AGBL4: variants seen among roughly 807,000 people sequenced by gnomAD.
AGBL4 encodes cytosolic carboxypeptidase 6.
In AGBL4, 58 loss-of-function variants were observed where a neutral mutation model predicts 66.4. The observed-to-expected ratio is 0.87, with a 90% CI of 0.71 to 1.09. AGBL4 has a LOEUF of 1.09. Ranked by LOEUF, AGBL4 falls within the 50% of genes least tolerant of loss-of-function variation. The pLI is 0.00. For missense variants in AGBL4, 579 were observed against 631.0 expected (o/e 0.92, Z 0.88); for synonymous variants, 234 against 222.9 (o/e 1.05, Z -0.44).
At chr1:48,557,120 G>A (rs935691375) in intron 11 of AGBL4, among the ~76,000 whole-genome samples, 1 of 152,190 alleles carries the variant, frequency 6.6e-6, no homozygotes, top group Middle Eastern at 3.4e-3. Context: ...AGGTTACCAA[G>A]TTCTGTGATT....
chr1:49,486,682 G>A (rs766378689), intron 3 of AGBL4, among the ~76,000 whole-genome samples: 6 of 151,914 alleles, frequency 3.9e-5, no homozygotes, highest in Non-Finnish European at 4.4e-5. Context: ...TTAAGTAACA[G>A]GAAATCCCAT....
At chr1:50,019,314 A>T (rs1193679032) in intron 1 of AGBL4, among the ~76,000 whole-genome samples, 2 of 137,208 alleles carry the variant, frequency 1.5e-5, no homozygotes, top group Non-Finnish European at 1.6e-5. Flanking sequence ...TCTCACACAC[A>T]CACACACACA....
intron 6 of AGBL4, among the ~76,000 whole-genome samples, chr1:48,859,618 C>T (rs2153326): frequency 0.82 from 124,071 of 152,180 alleles, 53,480 homozygotes; most frequent in Non-Finnish European, 0.96. Flanking sequence ...ATGACTGTTC[C>T]GCCTGGCTGC....
intron 2 of AGBL4, among the ~76,000 whole-genome samples, chr1:49,734,353 A>G (rs1335810478): frequency 6.6e-6 from 1 of 152,046 alleles, no homozygotes; most frequent in Non-Finnish European, 1.5e-5. Flanking sequence ...AGAAAAAAGT[A>G]AAAATGTTCC....
intron 9 of AGBL4, among the ~76,000 whole-genome samples, chr1:48,626,709 TC>T (rs111596203): frequency 0.066 from 10,088 of 152,218 alleles, 442 homozygotes; most frequent in African/African-American, 0.12. Context: ...GCAGAGGACT[TC>T]ATATTCCCAA....
At chr1:49,931,739 T>C (rs911805263) in intron 1 of AGBL4, among the ~76,000 whole-genome samples, 1 of 152,134 alleles carries the variant, frequency 6.6e-6, no homozygotes, top group African/African-American at 2.4e-5. Context: ...TTCCACTGAG[T>C]ATCATTTTAG....
chr1:48,761,624 T>G (rs996226531), intron 6 of AGBL4, among the ~76,000 whole-genome samples: 12 of 152,226 alleles, frequency 7.9e-5, no homozygotes, highest in African/African-American at 2.7e-4. Context: ...CCCTCTTGCA[T>G]GCAGGGATCC....
chr1:49,739,085 C>T (rs1315779491), intron 2 of AGBL4, among the ~76,000 whole-genome samples: 2 of 152,054 alleles, frequency 1.3e-5, no homozygotes, highest in African/African-American at 2.4e-5. Flanking sequence ...GAGAAGAAGG[C>T]TTCAGACGAT....
At chr1:49,522,036 C>T (rs1337375469) in intron 3 of AGBL4, among the ~76,000 whole-genome samples, 5 of 152,070 alleles carry the variant, frequency 3.3e-5, no homozygotes, top group African/African-American at 9.7e-5. Flanking sequence ...TGTAATAAAC[C>T]TACACATGTA....
At chr1:49,413,829 T>A (rs549440329) in intron 3 of AGBL4, among the ~76,000 whole-genome samples, 2 of 152,248 alleles carry the variant, frequency 1.3e-5, no homozygotes, top group South Asian at 2.1e-4. Context: ...TTACTTCAAG[T>A]CTTGGCTCTT....
chr1:49,587,327 AAAAAG>A (rs1411479523), intron 3 of AGBL4, among the ~76,000 whole-genome samples: 4 of 152,010 alleles, frequency 2.6e-5, no homozygotes, highest in Non-Finnish European at 4.4e-5. Flanking sequence ...AGAGAAAAGA[AAAAAG>A]AAAAGAAAAG....
At chr1:49,742,243 C>T (rs866094642) in intron 2 of AGBL4, among the ~76,000 whole-genome samples, 3 of 149,954 alleles carry the variant, frequency 2.0e-5, no homozygotes, top group African/African-American at 7.3e-5. Context: ...CACAAGCATT[C>T]TTATACACCA....
intron 1 of AGBL4, among the ~76,000 whole-genome samples, chr1:49,882,353 A>C (rs1169290962): frequency 6.6e-6 from 1 of 150,938 alleles, no homozygotes; most frequent in Non-Finnish European, 1.5e-5. Context: ...TTGGCTTAGG[A>C]TTGACTTGGC....
rs1479243450 is a variant in AGBL4 at position 49,481,389 on chromosome 1, T to C, written c.282+215924A>G. Among the ~76,000 whole-genome samples the C allele has an allele frequency of 3.9e-5, 6 of 152,054 alleles. 1 individual carries two copies. The highest frequency in any genetic ancestry group is 7.4e-5 in the Non-Finnish European group (5 of 67,986). On this transcript the variant is annotated intron_variant, in intron 3 of 13. Transcript: ENST00000371839. ...AGGCATTTTATTCTTTTTATGGCAG[T>C]TGTGATTGGAAGTTCATTCGTGATT...
At chr1:49,080,702 A>T (rs999048602) in intron 4 of AGBL4, among the ~76,000 whole-genome samples, 2 of 152,148 alleles carry the variant, frequency 1.3e-5, no homozygotes, top group Non-Finnish European at 2.9e-5. Context: ...AATAAACTAG[A>T]ATTTGGATTA....
chr1:48,992,808 C>T (rs1011515892), intron 5 of AGBL4, among the ~76,000 whole-genome samples: 24 of 152,100 alleles, frequency 1.6e-4, no homozygotes, highest in African/African-American at 5.1e-4. Flanking sequence ...CTTATGTTCA[C>T]CCCAAACCCA....
intron 1 of AGBL4, among the ~76,000 whole-genome samples, chr1:49,936,640 C>T (rs991827463): frequency 6.6e-6 from 1 of 152,118 alleles, no homozygotes; most frequent in African/African-American, 2.4e-5. Context: ...GCGGATCTCT[C>T]GGCAGAAACT....
intron 3 of AGBL4, among the ~76,000 whole-genome samples, chr1:49,551,122 A>G (rs1652917935): frequency 6.6e-6 from 1 of 152,164 alleles, no homozygotes. Context: ...TTGCATTTCT[A>G]TAAGGGTATC....
At chr1:48,661,389 A>G (rs2148454073) in intron 7 of AGBL4, among the ~76,000 whole-genome samples, 1 of 152,270 alleles carries the variant, frequency 6.6e-6, no homozygotes, top group African/African-American at 2.4e-5. Flanking sequence ...AAGACCGCCC[A>G]CTCAAGGTTT....
Sources: allele counts gnomAD v4.1 joint callset (sites outside exome capture counted in the v4.1 genomes callset), GRCh38; gene constraint gnomAD v4.1.1; transcripts MANE v1.5; gene names NCBI Gene and HGNC (gene_info 2026-07-23, HGNC 2026-07-21).